Variants in ELN observed in about 807,000 individuals in gnomAD.
The protein encoded by ELN is elastin, also known as tropoelastin.
Under a neutral mutation model 105.8 loss-of-function variants are expected in ELN, and 65 were observed. The ratio of observed to expected loss-of-function variants is 0.61; its 90% CI spans 0.50 to 0.75. The LOEUF (loss-of-function observed/expected upper bound fraction) is 0.75, where lower values mean the gene tolerates loss of function less well. Ranked by LOEUF, ELN falls within the 30% of genes least tolerant of loss-of-function variation. The pLI, the probability that ELN is intolerant of heterozygous loss-of-function variation, is 0.00. For missense variants in ELN, 882 were observed against 969.4 expected (o/e 0.91, Z 1.20); for synonymous variants, 368 against 389.2 (o/e 0.95, Z 0.64).
Position 74,056,704 on chromosome 7 carries a change from G to A in ELN, c.1348G>A (p.Ala450Thr), listed in dbSNP as rs782546858. The A allele has an allele frequency of 1.4e-5, 22 of 1,613,706 alleles. No homozygotes were observed. Among genetic ancestry groups the A allele is most frequent in the East Asian group, 2.2e-5 (1 of 44,886 alleles). ...TCAGGCAGCAGCTGCCGCCAAGGCT[G>A]CCAAGTACGGTAAGTGCCCCTGCCC... ...EAQAAAAAKA[A>T]KYGVGTPAAA... Residue 450 changes from alanine (A) to threonine (T), a missense_variant, in exon 21 of 33, where the codon GCC becomes ACC. Physicochemically the swap from Ala to Thr is moderately conservative, Grantham distance 58. Transcript: ENST00000252034.
chr7:74,038,621 G>A (rs567555071), intron 4 of ELN, among the ~76,000 whole-genome samples: 37 of 152,326 alleles, frequency 2.4e-4, no homozygotes, highest in African/African-American at 7.5e-4. Flanking sequence ...AGGAAACAGC[G>A]TCTCTGTCCA....
intron 1 of ELN, among the ~76,000 whole-genome samples, chr7:74,031,309 G>T (rs1788600578): frequency 1.3e-5 from 2 of 152,202 alleles, no homozygotes; most frequent in Non-Finnish European, 2.9e-5. Context: ...TTCTAGCAAT[G>T]TAATATCTGG....
chr7:74,036,458 G>A, intron 2 of ELN, 97 bp from the exon 3 acceptor site: 1 of 1,549,240 alleles, frequency 6.5e-7, no homozygotes, highest in East Asian at 2.2e-5. Flanking sequence ...AGGTCACGTA[G>A]TTAGGCAGAG....
At chr7:74,049,572 T>G (rs1294124398) in intron 15 of ELN, among the ~76,000 whole-genome samples, 1 of 150,128 alleles carries the variant, frequency 6.7e-6, no homozygotes, top group Admixed American at 6.6e-5. Context: ...TAGGCACCCA[T>G]CCATCCATTT....
rs200862792 is a variant in ELN at position 74,056,402 on chromosome 7, G to A, written c.1282G>A (p.Gly428Arg). 9.3e-6 allele frequency: 15 copies of A among 1,613,658 alleles called. No individual in the cohort carries two copies. The highest frequency in any genetic ancestry group is 3.3e-5 in the South Asian group (3 of 91,064). The change falls in exon 20 of 33, where the codon GGA becomes AGA. Residue 428 changes from glycine to arginine, a missense_variant. Transcript: ENST00000252034. ...TGTCCCTGGTGTCGGAGGTGTTCCC[G>A]GAGTCGGAGGTGTCCCGGGAGTTGG... ...AGVPGVGGVP[G>R]VGGVPGVGIS...
chr7:74,060,117 C>G (rs782166478), intron 23 of ELN, 23 bp from the exon 24 acceptor site: 2 of 1,614,074 alleles, frequency 1.2e-6, no homozygotes, highest in Non-Finnish European at 1.7e-6. Flanking sequence ...CATCTCTAAT[C>G]CCCCTCTCTC....
chr7:74,043,916 C>G lies in ELN; in HGVS notation c.465C>G (p.Leu155=), dbSNP rs1405233351. The G allele has an allele frequency of 1.2e-6, 2 of 1,613,912 alleles. No individual in the cohort carries two copies. The highest frequency in any genetic ancestry group is 2.7e-5 in the African/African-American group (2 of 74,890). ...CAGGTGTATACCCAGGTGGCGTGCT[C>G]CCAGGTGAGAGCAAGGAGGGAAACA... is the stretch of plus-strand genomic sequence containing the variant. The part of the protein sequence containing the change: ...GLPGVYPGGV[L]PGARFPGVGV... The change falls in exon 9 of 33, where the codon CTC becomes CTG. Residue 155 remains leucine, a synonymous_variant. Coordinates refer to ENST00000252034, the MANE Select transcript of ELN (RefSeq NM_000501.4).
At chr7:74,068,551 T>C in intron 32 of ELN, 106 bp from the exon 33 acceptor site, 3 of 1,434,922 alleles carry the variant, frequency 2.1e-6, no homozygotes, top group Non-Finnish European at 2.9e-6. Flanking sequence ...ACTTGGCTTC[T>C]CTTGGCTTCT....
intron 4 of ELN, 99 bp from the exon 5 acceptor site, chr7:74,041,117 T>C (rs1181482351): frequency 2.0e-5 from 30 of 1,508,658 alleles, no homozygotes; most frequent in Non-Finnish European, 2.5e-5. Context: ...CCTAGGGACC[T>C]GAGTGGCTGA....
At chr7:74,060,742 G>A in intron 25 of ELN, 1 of 1,137,388 alleles carries the variant, frequency 8.8e-7, no homozygotes, top group Non-Finnish European at 1.2e-6. Context: ...CAGGGCTCCA[G>A]ACTGAGAAAA....
In ELN at chr7:74,063,079, T is replaced by C; in HGVS notation, c.1787-74T>C. The C allele has an allele frequency of 6.5e-7, 1 of 1,536,978 alleles. No individual in the cohort carries two copies. The highest frequency in any genetic ancestry group is 8.8e-7 in the Non-Finnish European group (1 of 1,133,664). ...CACATGGCCCCTGCCACCTGTCTGC[T>C]TGCCTTGTGTCCCTGGGGCAGGGAG... On this transcript the variant is annotated intron_variant, in intron 26 of 32. Transcript: ENST00000252034. This position sits in a 1 kb window ranked among gnomAD's most constrained non-coding sequence, Gnocchi z 4.1.
intron 19 of ELN, among the ~76,000 whole-genome samples, 199 bp from the exon 20 acceptor site, chr7:74,056,072 C>A (rs1181315898): frequency 6.6e-6 from 1 of 152,216 alleles, no homozygotes; most frequent in Non-Finnish European, 1.5e-5. Context: ...CAGGCATGAG[C>A]CACTGCACCC....
chr7:74,042,905 G>A, intron 6 of ELN, 79 bp from the exon 7 acceptor site: 4 of 1,609,980 alleles, frequency 2.5e-6, no homozygotes, highest in Non-Finnish European at 3.4e-6. Flanking sequence ...CTCAATGCTG[G>A]GCCCTCAGCA....
At chr7:74,037,555 T>C in intron 3 of ELN, 152 bp from the exon 4 acceptor site, 1 of 1,122,190 alleles carries the variant, frequency 8.9e-7, no homozygotes, top group Non-Finnish European at 1.3e-6. Context: ...GAGTTAGAAG[T>C]AGAGCTAGGT....
chr7:74,037,673 C>T (rs782359717), intron 3 of ELN, 34 bp from the exon 4 acceptor site: 1 of 1,607,202 alleles, frequency 6.2e-7, no homozygotes, highest in South Asian at 1.1e-5. Flanking sequence ...ATAAGCTGGG[C>T]CACCCCATTC....
intron 2 of ELN, among the ~76,000 whole-genome samples, chr7:74,036,318 A>T (rs1265257667): frequency 6.6e-6 from 1 of 151,900 alleles, no homozygotes; most frequent in Non-Finnish European, 1.5e-5. Flanking sequence ...AATTAAAAAA[A>T]GCATTTGAGT....
chr7:74,043,667 C>T (rs1237344486), intron 8 of ELN: 32 of 668,542 alleles, frequency 4.8e-5, no homozygotes, highest in East Asian at 2.5e-4. Context: ...CTCCAGGAGA[C>T]GGAGATAAAT....
At chr7:74,033,543 C>G (rs1216992555) in intron 1 of ELN, among the ~76,000 whole-genome samples, 4 of 152,322 alleles carry the variant, frequency 2.6e-5, no homozygotes, top group South Asian at 2.1e-4. Context: ...AGGTTCTGAC[C>G]AGATTACTTG....
Position 74,052,001 on chromosome 7 carries a change from T to C in ELN, c.949+18T>C. On this transcript the variant is annotated intron_variant, in intron 17 of 32. Coordinates refer to ENST00000252034, the MANE Select transcript of ELN (RefSeq NM_000501.4). Reference sequence around the variant, plus strand: ...CAAGTATGGTGAGTGCCTCCCGGGGTGGCAAGTCCACGGCTCGGGCCCCTG... The same window carrying C: ...CAAGTATGGTGAGTGCCTCCCGGGGCGGCAAGTCCACGGCTCGGGCCCCTG... 1 of 1,612,412 alleles carries C rather than the reference T, an allele frequency of 6.2e-7. No homozygotes were observed. The highest frequency in any genetic ancestry group is 8.5e-7 in the Non-Finnish European group (1 of 1,179,872).
Sources: gnomAD v4.1 joint callset for allele counts (sites outside exome capture counted in the v4.1 genomes callset) on GRCh38, gnomAD v4.1.1 for gene constraint, Gnocchi (gnomAD v3.1) non-coding constraint, MANE v1.5 for transcripts, NCBI Gene and HGNC (gene_info 2026-07-23, HGNC 2026-07-21) for gene names.